The following EIF1 variants were observed in gnomAD, a reference collection of about 807,000 sequenced individuals.
The protein encoded by EIF1 is eukaryotic translation initiation factor 1.
Under a neutral mutation model 13.7 loss-of-function variants are expected in EIF1, and 4 were observed. The ratio of observed to expected loss-of-function variants is 0.29; its 90% CI spans 0.14 to 0.67. The LOEUF is 0.67. Ranked by LOEUF, EIF1 falls within the 30% of genes least tolerant of loss-of-function variation. The pLI is 0.77. For synonymous variants in EIF1, 67 were observed against 50.7 expected (o/e 1.32, Z -1.37); for missense variants, 64 against 138.0 (o/e 0.46, Z 2.69).
rs376839385 is a variant in EIF1 at position 41,689,765 on chromosome 17, C to T, written c.32-13C>T. ...CTTTGACAGCTCTGAACGAGCTTAA[C>T]CTTTTTTTTCAGACCCCTTTGCTGA... On this transcript the variant is annotated splice_polypyrimidine_tract_variant and intron_variant, in intron 1 of 3. Coordinates refer to ENST00000469257, the MANE Select transcript of EIF1 (RefSeq NM_005801.4). 11 of 1,585,414 alleles carry T rather than the reference C, an allele frequency of 6.9e-6. No individual in the cohort carries two copies. Among genetic ancestry groups the T allele is most frequent in the South Asian group, 2.3e-5 (2 of 87,962 alleles).
At chr17:41,690,287 G>T in intron 3 of EIF1, 98 bp downstream of exon 3, 2 of 995,632 alleles carry the variant, frequency 2.0e-6, no homozygotes, top group Non-Finnish European at 1.5e-6. Context: ...GCTTTGTAAG[G>T]CTGAGCAAAA....
Position 41,689,959 on chromosome 17 carries a change from T to G in EIF1, c.195+18T>G, listed in dbSNP as rs780917130. On this transcript the variant is annotated intron_variant, in intron 2 of 3. Coordinates refer to ENST00000469257, the MANE Select transcript of EIF1 (RefSeq NM_005801.4). ...TTAAGAAAGTAGGTCTTCAGTGAGATTTTGGGAAAGTCATAATGGATTTGT... is the reference window on the plus strand; with the variant it reads ...TTAAGAAAGTAGGTCTTCAGTGAGAGTTTGGGAAAGTCATAATGGATTTGT... 1 of 1,609,848 alleles carries G rather than the reference T, an allele frequency of 6.2e-7. No individual in the cohort carries two copies. The highest frequency in any genetic ancestry group is 1.3e-5 in the African/African-American group (1 of 74,820).
chr17:41,689,231 G>C, intron 1 of EIF1, 162 bp downstream of exon 1: 1 of 819,796 alleles, frequency 1.2e-6, no homozygotes, highest in East Asian at 2.6e-5. Context: ...TGGGCCCCGG[G>C]GTCGGACCCT....
chr17:41,690,010 T>A, intron 2 of EIF1, 69 bp downstream of exon 2: 1 of 1,611,466 alleles, frequency 6.2e-7, no homozygotes, highest in Non-Finnish European at 8.5e-7. Context: ...AGCTGTGTTG[T>A]ATGTATTGTT....
chr17:41,689,649 A>G (rs988301094), intron 1 of EIF1, 129 bp from the exon 2 acceptor site: 4 of 949,334 alleles, frequency 4.2e-6, no homozygotes, highest in African/African-American at 3.3e-5. Context: ...CAAAGGACAC[A>G]TTCGGCCTGG....
At chr17:41,689,559 C>G in intron 1 of EIF1, 1 of 509,318 alleles carries the variant, frequency 2.0e-6, no homozygotes, top group Non-Finnish European at 3.4e-6. Context: ...ATCGGCTTCC[C>G]AGGGAGGGCG....
intron 1 of EIF1, 139 bp downstream of exon 1, chr17:41,689,208 C>T (rs930071608): frequency 7.9e-6 from 8 of 1,014,134 alleles, no homozygotes; most frequent in African/African-American, 4.8e-5. Flanking sequence ...CGCAGGGCAG[C>T]GGGATCAAGG....
rs1910285268 is a variant in EIF1, at chr17:41,689,089, G to A, written c.31+20G>A. On this transcript the variant is annotated intron_variant, in intron 1 of 3. Coordinates refer to ENST00000469257, the MANE Select transcript of EIF1 (RefSeq NM_005801.4). ...CTTTCGGTAAGCTATGGGAAAGGTC[G>A]CGGGCCCGGGTGGGGCAGCGGGGCC... The A allele has an allele frequency of 1.2e-6, 2 of 1,613,386 alleles. No individual in the cohort carries two copies. Among genetic ancestry groups the A allele is most frequent in the African/African-American group, 1.3e-5 (1 of 75,050 alleles).
At chr17:41,690,339 A>C (rs1341224604) in intron 3 of EIF1, 150 bp downstream of exon 3, 3 of 622,060 alleles carry the variant, frequency 4.8e-6, no homozygotes, top group Non-Finnish European at 8.3e-6. Context: ...TTTCTGTTTT[A>C]TAGGAAAAAG....
Position 41,688,924 on chromosome 17 carries a change from C to A in EIF1, c.-115C>A, listed in dbSNP as rs545567134. On this transcript the variant is annotated 5_prime_UTR_variant, in exon 1 of 4. Transcript: ENST00000469257. ...GCCGCCGCCGAGGATTCAGCAGCCT[C>A]CCCCTTGAGCCCCCTCGCTTCCCGA... 2.8e-5 allele frequency: 29 copies of A among 1,052,334 alleles called. No individual in the cohort carries two copies. Among genetic ancestry groups the A allele is most frequent in the East Asian group, 1.0e-4 (4 of 40,074 alleles). 65.2% of individuals were successfully genotyped at this position (1,052,334 alleles called of 1,614,324 possible).
Position 41,692,461 on chromosome 17 carries a change from C to A in EIF1, c.*1635C>A, listed in dbSNP as rs1439250279. The stretch of plus-strand genomic sequence containing the variant: ...TTAATTTAGTTAAAAAGGCAAAGTT[C>A]TTTCAGCACACATATCTGCATGCAG... On this transcript the variant is annotated 3_prime_UTR_variant, in exon 4 of 4. Coordinates refer to ENST00000469257, the MANE Select transcript of EIF1 (RefSeq NM_005801.4). The A allele has an allele frequency of 6.6e-6, 1 of 152,128 alleles. No individual in the cohort carries two copies. The highest frequency in any genetic ancestry group is 1.5e-5 in the Non-Finnish European group (1 of 68,040). The allele number at this position is 152,128 out of a possible 1,614,324, so 9.4% of individuals were successfully genotyped here.
chr17:41,690,352 G>A lies in EIF1; in HGVS notation c.297+163G>A, dbSNP rs867078426. ...TATTTCTGTTTTATAGGAAAAAGCA[G>A]AAGGGACTTGTCTACCTTTGGTTTA... On this transcript the variant is annotated intron_variant, in intron 3 of 3. Transcript: ENST00000469257. The A allele has an allele frequency of 3.5e-5, 21 of 599,150 alleles. No homozygotes were observed. In the South Asian group the frequency reaches 3.6e-4, roughly 10 times the overall value. 37.1% of individuals were successfully genotyped at this position (599,150 alleles called of 1,614,324 possible).
At position 41,692,385 on chromosome 17, in the gene EIF1, A is replaced by T. The variant is rs568592395; in HGVS notation, c.*1559A>T. On this transcript the variant is annotated 3_prime_UTR_variant, in exon 4 of 4. Coordinates refer to ENST00000469257, the MANE Select transcript of EIF1 (RefSeq NM_005801.4). Reference sequence around the variant, plus strand: ...GTTAAGTGTTGGGAGGCCATCCCTTATGAAGGACAATGAATGGCAAGTAAA... The same window carrying T: ...GTTAAGTGTTGGGAGGCCATCCCTTTTGAAGGACAATGAATGGCAAGTAAA... 1.3e-5 allele frequency: 2 copies of T among 152,344 alleles called. No individual in the cohort carries two copies. The highest frequency in any genetic ancestry group is 3.9e-4 in the East Asian group (2 of 5,190). 9.4% of individuals were successfully genotyped at this position (152,344 alleles called of 1,614,324 possible).
At chr17:41,689,336 C>A (rs929976800) in intron 1 of EIF1, 5 of 574,478 alleles carry the variant, frequency 8.7e-6, no homozygotes, top group Middle Eastern at 4.6e-4. Context: ...CCTCCTCGGG[C>A]CACACCCGCC....
At position 41,689,953 on chromosome 17, in the gene EIF1, G is replaced by A. The variant is rs1482130414; in HGVS notation, c.195+12G>A. ...AGGCGTTTAAGAAAGTAGGTCTTCA[G>A]TGAGATTTTGGGAAAGTCATAATGG... On this transcript the variant is annotated intron_variant, in intron 2 of 3. Transcript: ENST00000469257. 3.1e-6 allele frequency: 5 copies of A among 1,609,988 alleles called. No homozygotes were observed. Among genetic ancestry groups the A allele is most frequent in the South Asian group, 1.1e-5 (1 of 90,710 alleles).
chr17:41,690,231 A>C, intron 3 of EIF1, 42 bp downstream of exon 3: 2 of 1,534,042 alleles, frequency 1.3e-6, no homozygotes, highest in Non-Finnish European at 1.8e-6. Context: ...TCTGCTGGCA[A>C]ATCTCAGATC....
chr17:41,689,633 A>T (rs571860656), intron 1 of EIF1, 145 bp from the exon 2 acceptor site: 3 of 770,332 alleles, frequency 3.9e-6, no homozygotes, highest in South Asian at 4.2e-5. Flanking sequence ...GCTCGGGGAG[A>T]GCCAGCAAAG....
chr17:41,689,866 C>T lies in EIF1; in HGVS notation c.120C>T (p.Gly40=). Residue 40 remains glycine (G), a synonymous_variant, in exon 2 of 4, where the codon GGC becomes GGT. Coordinates refer to ENST00000469257, the MANE Select transcript of EIF1 (RefSeq NM_005801.4). ...YIHIRIQQRN[G]RKTLTTVQGI... ...ATATAAGAATTCAACAGAGAAACGG[C>T]AGGAAGACCCTTACTACTGTCCAAG... 1.9e-6 allele frequency: 3 copies of T among 1,613,992 alleles called. No homozygotes were observed. The highest frequency in any genetic ancestry group is 2.7e-5 in the African/African-American group (2 of 75,030).
At chr17:41,690,038 A>G in intron 2 of EIF1, 50 bp from the exon 3 acceptor site, 1 of 1,610,406 alleles carries the variant, frequency 6.2e-7, no homozygotes. Context: ...GGGGTGATAA[A>G]TGCGTTCATG....
Sources: gnomAD v4.1 joint callset for allele counts on GRCh38, gnomAD v4.1.1 for gene constraint, MANE v1.5 for transcripts, NCBI Gene and HGNC (gene_info 2026-07-23, HGNC 2026-07-21) for gene names.